SLC5A4: variants seen among roughly 807,000 people sequenced by gnomAD.
The protein encoded by SLC5A4 is probable glucose sensor protein SLC5A4.
In SLC5A4, 55 loss-of-function variants were observed where a neutral mutation model predicts 70.3. The observed-to-expected ratio is 0.78, with a 90% CI of 0.63 to 0.98. The LOEUF is 0.98. SLC5A4 is among the 50% of genes least tolerant of loss of function. The probability of loss-of-function intolerance (pLI) is 0.00; values close to 1 mark genes in which losing one functional copy is unlikely to be tolerated. For missense variants in SLC5A4, 735 were observed against 839.2 expected (o/e 0.88, Z 1.53); for synonymous variants, 268 against 305.7 (o/e 0.88, Z 1.29).
At chr22:32,332,683 C>T in the SLC5A4 span, among the ~76,000 whole-genome samples, 1 of 152,156 alleles carries the variant, frequency 6.6e-6, no homozygotes, top group African/African-American at 2.4e-5. Flanking sequence ...TCACTTGTAG[C>T]CTGCCTTCCT....
the SLC5A4 span, among the ~76,000 whole-genome samples, chr22:32,353,128 C>T: frequency 6.6e-6 from 1 of 152,234 alleles, no homozygotes; most frequent in Non-Finnish European, 1.5e-5. Context: ...CAAAGTCCAG[C>T]CTCTCCTTTT....
the SLC5A4 span, among the ~76,000 whole-genome samples, chr22:32,263,070 A>G: frequency 1.1e-5 from 1 of 93,126 alleles, no homozygotes; most frequent in African/African-American, 1.0e-4. Flanking sequence ...GCCCGGCCCT[A>G]CATTTTTTTT....
At chr22:32,307,184 A>G in the SLC5A4 span, among the ~76,000 whole-genome samples, 1,866 of 152,248 alleles carry the variant, frequency 0.012, 28 homozygotes, top group African/African-American at 0.041. Flanking sequence ...TGAACCCTGC[A>G]GCAGCCCTGG....
At chr22:32,288,989 A>C in the SLC5A4 span, among the ~76,000 whole-genome samples, 6 of 152,066 alleles carry the variant, frequency 3.9e-5, no homozygotes, top group Non-Finnish European at 7.3e-5. Context: ...CTGGGACTTC[A>C]TAGTCAATGC....
the SLC5A4 span, among the ~76,000 whole-genome samples, chr22:32,340,675 G>A: frequency 5.3e-5 from 8 of 152,170 alleles, no homozygotes; most frequent in African/African-American, 1.4e-4. Flanking sequence ...GTATCCCGGA[G>A]GGGAGAGGTC....
chr22:32,340,829 G>A, the SLC5A4 span, among the ~76,000 whole-genome samples: 1 of 152,212 alleles, frequency 6.6e-6, no homozygotes, highest in Non-Finnish European at 1.5e-5. Flanking sequence ...GTGCAAAGGA[G>A]ACCATCGGCA....
chr22:32,238,167 A>G (rs1265922476), intron 6 of SLC5A4, among the ~76,000 whole-genome samples: 2 of 152,150 alleles, frequency 1.3e-5, no homozygotes, highest in South Asian at 2.1e-4. Context: ...AAGCAGGTGA[A>G]GCAATCATCT....
At chr22:32,235,817 G>C (rs1014112842) in intron 7 of SLC5A4, among the ~76,000 whole-genome samples, 36 of 152,278 alleles carry the variant, frequency 2.4e-4, no homozygotes, top group Admixed American at 1.0e-3. Context: ...TTGTAGGGCT[G>C]AGTTAACATT....
the SLC5A4 span, among the ~76,000 whole-genome samples, chr22:32,337,900 T>TATGTATTACCTCTGTTCAATACA: frequency 1.4e-5 from 2 of 145,086 alleles, no homozygotes; most frequent in Non-Finnish European, 3.0e-5. Flanking sequence ...ACATTTTGAG[T>TATGTATTACCTCTGTTCAATACA]ATGTATTACC....
chr22:32,335,112 C>T, the SLC5A4 span, among the ~76,000 whole-genome samples: 4 of 152,104 alleles, frequency 2.6e-5, no homozygotes, highest in East Asian at 1.9e-4. Context: ...GGTAGGTGGT[C>T]GGGAAGGAGA....
the SLC5A4 span, among the ~76,000 whole-genome samples, chr22:32,347,599 G>A: frequency 0.14 from 21,285 of 149,882 alleles, 1,984 homozygotes; most frequent in African/African-American, 0.27. Flanking sequence ...GCAAACTATC[G>A]CAAGGACAGA....
chr22:32,352,175 C>A, the SLC5A4 span, among the ~76,000 whole-genome samples: 3 of 150,528 alleles, frequency 2.0e-5, no homozygotes, highest in East Asian at 2.0e-4. Context: ...GGACAAAAAA[C>A]CAAACATCGT....
intron 5 of SLC5A4, among the ~76,000 whole-genome samples, chr22:32,239,560 A>ATATATATATT (rs1569374910): frequency 4.5e-5 from 1 of 22,430 alleles, no homozygotes; most frequent in South Asian, 8.4e-4. Flanking sequence ...ATATATATAT[A>ATATATATATT]TATATATATT....
the SLC5A4 span, among the ~76,000 whole-genome samples, chr22:32,264,935 C>A: frequency 6.6e-6 from 1 of 152,100 alleles, no homozygotes; most frequent in South Asian, 2.1e-4. Flanking sequence ...TTCTTTTTTT[C>A]ATCTCAAGTT....
At chr22:32,260,419 T>C in the SLC5A4 span, among the ~76,000 whole-genome samples, 1 of 151,678 alleles carries the variant, frequency 6.6e-6, no homozygotes, top group Non-Finnish European at 1.5e-5. Flanking sequence ...ATGCTAACAC[T>C]GTTGAAACCA....
At chr22:32,271,814 T>C in the SLC5A4 span, 1 of 607,052 alleles carries the variant, frequency 1.6e-6, no homozygotes. Context: ...TGCCTACCTG[T>C]CCTATGATTC....
chr22:32,331,136 CTGTGTGTTGGAGGCTCTGGTG>C, the SLC5A4 span, among the ~76,000 whole-genome samples: 1 of 35,422 alleles, frequency 2.8e-5, no homozygotes, highest in African/African-American at 1.0e-4. Flanking sequence ...TCTGGTGTGT[CTGTGTGTTGGAGGCTCTGGTG>C]TGTGTGTTGG....
intron 12 of SLC5A4, 59 bp from the exon 13 acceptor site, chr22:32,224,541 G>T: frequency 7.4e-7 from 1 of 1,350,364 alleles, no homozygotes. Context: ...GCTTATTCAA[G>T]TAAGTCATCA....
the SLC5A4 span, among the ~76,000 whole-genome samples, chr22:32,332,727 C>G: frequency 1.3e-5 from 2 of 152,286 alleles, no homozygotes; most frequent in South Asian, 4.2e-4. Flanking sequence ...AGACACTTCT[C>G]GGGGAACTTA....
Sources: allele counts gnomAD v4.1 joint callset (sites outside exome capture counted in the v4.1 genomes callset), GRCh38; gene constraint gnomAD v4.1.1; transcripts MANE v1.5; gene names NCBI Gene and HGNC (gene_info 2026-07-23, HGNC 2026-07-21).